DGKB: variants seen among roughly 807,000 people sequenced by gnomAD.
DGKB encodes diacylglycerol kinase beta.
A neutral mutation model predicts 114.3 loss-of-function variants in DGKB; 67 were observed. That is an observed-to-expected ratio of 0.59 (90% CI 0.48 to 0.72). DGKB has a LOEUF of 0.72. Among genes scored for constraint, DGKB ranks in the 30% least tolerant of loss-of-function variants. The pLI is 0.00. For missense variants in DGKB, 907 were observed against 975.2 expected (o/e 0.93, Z 0.93); for synonymous variants, 398 against 323.1 (o/e 1.23, Z -2.49).
chr7:14,743,984 A>C (rs1403676643), intron 4 of DGKB, among the ~76,000 whole-genome samples: 1 of 152,210 alleles, frequency 6.6e-6, no homozygotes, highest in African/African-American at 2.4e-5. Context: ...ACATTCACGA[A>C]TATCAAGCAG....
At chr7:14,612,094 T>A (rs993102000) in intron 16 of DGKB, among the ~76,000 whole-genome samples, 2 of 151,768 alleles carry the variant, frequency 1.3e-5, no homozygotes, top group Middle Eastern at 3.2e-3. Context: ...AAATAATTTC[T>A]ATCATGTTTA....
intron 21 of DGKB, among the ~76,000 whole-genome samples, chr7:14,362,183 A>T (rs559453164): frequency 6.6e-6 from 1 of 152,180 alleles, no homozygotes; most frequent in East Asian, 1.9e-4. Context: ...TGGGTGATCA[A>T]ATGTTCATAA....
chr7:14,255,286 G>T (rs751946109), intron 23 of DGKB, among the ~76,000 whole-genome samples: 22 of 152,030 alleles, frequency 1.4e-4, no homozygotes, highest in Non-Finnish European at 2.8e-4. Flanking sequence ...TTAGTTAGAG[G>T]TGTTTTAGTG....
At chr7:14,966,651 G>GC (rs1369717482) in intron 1 of DGKB, among the ~76,000 whole-genome samples, 1 of 152,008 alleles carries the variant, frequency 6.6e-6, no homozygotes, top group East Asian at 1.9e-4. Flanking sequence ...AGCTTGTGCT[G>GC]CTTCCATTAG....
intron 13 of DGKB, among the ~76,000 whole-genome samples, chr7:14,649,963 G>A (rs1427835253): frequency 6.7e-6 from 1 of 148,582 alleles, no homozygotes; most frequent in Non-Finnish European, 1.5e-5. Context: ...AAATATATAT[G>A]CACCCAATAC....
At chr7:14,496,318 C>A (rs1785301785) in intron 20 of DGKB, among the ~76,000 whole-genome samples, 2 of 151,536 alleles carry the variant, frequency 1.3e-5, no homozygotes, top group Admixed American at 1.3e-4. Context: ...ACCTCAGTGG[C>A]ATATTAAAAA....
At chr7:14,672,906 T>C (rs766376515) in intron 13 of DGKB, 23 bp downstream of exon 13, 3 of 1,388,026 alleles carry the variant, frequency 2.2e-6, no homozygotes, top group Non-Finnish European at 3.0e-6. Flanking sequence ...TAAGTTATAG[T>C]AGAATGATAA....
At chr7:14,534,581 T>C (rs1792122270) in intron 20 of DGKB, among the ~76,000 whole-genome samples, 1 of 151,962 alleles carries the variant, frequency 6.6e-6, no homozygotes, top group African/African-American at 2.4e-5. Flanking sequence ...ATTCTCTCTA[T>C]AAGAGACTCA....
chr7:14,945,153 C>A (rs537517369), intron 1 of DGKB, among the ~76,000 whole-genome samples: 2 of 151,688 alleles, frequency 1.3e-5, no homozygotes, highest in South Asian at 2.1e-4. Flanking sequence ...GGATACTACA[C>A]AACAAAAATG....
intron 1 of DGKB, among the ~76,000 whole-genome samples, chr7:14,889,698 G>A (rs1419366125): frequency 6.6e-6 from 1 of 151,418 alleles, no homozygotes; most frequent in East Asian, 1.9e-4. Flanking sequence ...CAATCTCTAA[G>A]CAATCTAAAG....
chr7:14,583,047 A>G lies in DGKB; in HGVS notation c.1519+5T>C, dbSNP rs1421685606. 3.1e-6 allele frequency: 5 copies of G among 1,596,514 alleles called. No homozygotes were observed. Among genetic ancestry groups the G allele is most frequent in the South Asian group, 1.1e-5 (1 of 90,660 alleles). ...CCAGCCATATTAAGTATGTGTCTGC[A>G]TTACCTATGCAATCCAAAACCCAGC... is the stretch of plus-strand genomic sequence containing the variant. On this transcript the variant is annotated splice_donor_5th_base_variant and intron_variant, in intron 18 of 25. Coordinates refer to ENST00000402815, the MANE Select transcript of DGKB (RefSeq NM_001350709.2).
At chr7:14,520,109 A>AC (rs1420385556) in intron 20 of DGKB, among the ~76,000 whole-genome samples, 4 of 151,476 alleles carry the variant, frequency 2.6e-5, no homozygotes, top group African/African-American at 9.7e-5. Context: ...GTCTAAAGAC[A>AC]CCCCGCCTAA....
intron 21 of DGKB, among the ~76,000 whole-genome samples, chr7:14,376,706 G>T (rs996534034): frequency 2.6e-5 from 4 of 152,126 alleles, no homozygotes; most frequent in Non-Finnish European, 4.4e-5. Context: ...AGTAGCACAT[G>T]TGTTGCCTGT....
rs922602478 is a variant in DGKB at position 14,296,772 on chromosome 7, T to G, written c.2122+41743A>C. ...GAATCCAGGGACTGTTTTTTTTTTT[T>G]TTTTTTTTTTTAAAGATTAACAAGA... On this transcript the variant is annotated intron_variant, in intron 23 of 25. Coordinates refer to ENST00000402815, the MANE Select transcript of DGKB (RefSeq NM_001350709.2). Among the ~76,000 whole-genome samples, 100 of 149,908 alleles carry G rather than the reference T, an allele frequency of 6.7e-4. 1 individual carries two copies. The highest frequency in any genetic ancestry group is 1.8e-3 in the African/African-American group (75 of 41,014).
chr7:14,404,385 G>C (rs10228053), intron 21 of DGKB, among the ~76,000 whole-genome samples: 99,442 of 151,404 alleles, frequency 0.66, 33,860 homozygotes, highest in Non-Finnish European at 0.75. Context: ...TCCAACTCTC[G>C]TGGGAGTCAA....
intron 20 of DGKB, among the ~76,000 whole-genome samples, chr7:14,569,776 T>C (rs1013166751): frequency 4.1e-5 from 3 of 72,514 alleles, no homozygotes; most frequent in Non-Finnish European, 1.2e-4. Flanking sequence ...CAATCTTGCA[T>C]AGTTATATAT....
At chr7:14,450,712 A>G (rs1563208583) in intron 21 of DGKB, among the ~76,000 whole-genome samples, 1 of 152,054 alleles carries the variant, frequency 6.6e-6, no homozygotes. Context: ...TGTGCCATGG[A>G]CTGCATGGAA....
At chr7:14,614,826 T>G (rs183325306) in intron 15 of DGKB, among the ~76,000 whole-genome samples, 3 of 152,248 alleles carry the variant, frequency 2.0e-5, no homozygotes, top group Non-Finnish European at 4.4e-5. Flanking sequence ...ACAAAGTTTC[T>G]TTCTTCCTAA....
Position 14,672,938 on chromosome 7 carries a change from T to G in DGKB, c.1125A>C (p.Pro375=), listed in dbSNP as rs1184349603. The G allele has an allele frequency of 6.4e-7, 1 of 1,562,892 alleles. No individual in the cohort carries two copies. The highest frequency in any genetic ancestry group is 1.4e-5 in the African/African-American group (1 of 73,976). ...DHILPPTTIC[P]VVLTLPTSGV... ...ATAAGGAAAAACTCACCAGTACCAC[T>G]GGACAGATTGTTGTGGGTGGTAAAA... The change falls in exon 13 of 26, where the codon CCA becomes CCC. Residue 375 remains proline, a synonymous_variant. Coordinates refer to ENST00000402815, the MANE Select transcript of DGKB (RefSeq NM_001350709.2).
Sources: gnomAD v4.1 joint callset for allele counts (sites outside exome capture counted in the v4.1 genomes callset) on GRCh38, gnomAD v4.1.1 for gene constraint, MANE v1.5 for transcripts, NCBI Gene and HGNC (gene_info 2026-07-23, HGNC 2026-07-21) for gene names.